Variants in NLGN4X observed in about 807,000 individuals in gnomAD.
NLGN4X encodes neuroligin-4, X-linked.
A neutral mutation model predicts 40.3 loss-of-function variants in NLGN4X; 3 were observed. That is an observed-to-expected ratio of 0.07 (90% CI 0.03 to 0.19). The LOEUF (loss-of-function observed/expected upper bound fraction) is 0.19, where lower values mean the gene tolerates loss of function less well. NLGN4X is among the 10% of genes least tolerant of loss of function. NLGN4X has a pLI of 1.00. For synonymous variants in NLGN4X, 270 were observed against 306.8 expected (o/e 0.88, Z 1.25); for missense variants, 382 against 708.3 (o/e 0.54, Z 5.23).
intron 2 of NLGN4X, among the ~76,000 whole-genome samples, chrX:6,082,123 T>A (rs2038363638): frequency 8.9e-6 from 1 of 112,434 alleles, no homozygotes; most frequent in Admixed American, 9.4e-5. Context: ...GTCTCAAGGT[T>A]ACCCTATGGT....
At chrX:6,092,305 T>C (rs911810944) in intron 2 of NLGN4X, among the ~76,000 whole-genome samples, 4 of 112,168 alleles carry the variant, frequency 3.6e-5, no homozygotes, top group Non-Finnish European at 7.5e-5. Flanking sequence ...TGCCCTTATG[T>C]AACACACCCA....
intron 3 of NLGN4X, among the ~76,000 whole-genome samples, chrX:5,929,079 G>C (rs1461547555): frequency 9.2e-6 from 1 of 108,371 alleles, no homozygotes; most frequent in Non-Finnish European, 1.9e-5. Context: ...AAAGACAGAA[G>C]CTTGTTCATT....
chrX:6,051,970 C>A (rs2037504327), intron 2 of NLGN4X, among the ~76,000 whole-genome samples: 1 of 110,912 alleles, frequency 9.0e-6, no homozygotes, highest in African/African-American at 3.3e-5. Flanking sequence ...GTAAGAGATT[C>A]TCCTGCTGGA....
Position 6,072,786 on chromosome X carries a change from G to A in NLGN4X, c.473-43354C>T, listed in dbSNP as rs549050942. Among the ~76,000 whole-genome samples, 3 of 110,823 alleles carry A rather than the reference G, an allele frequency of 2.7e-5. 1 individual carries two copies. In the Admixed American group the frequency reaches 2.9e-4, roughly 11 times the overall value. ...ATGCCTCATCCCTCACTGAACATAT[G>A]CCCAAAGCACCTAACTAGAATCTCC... On this transcript the variant is annotated intron_variant, in intron 2 of 5. Coordinates refer to ENST00000381095, the MANE Select transcript of NLGN4X (RefSeq NM_181332.3).
chrX:6,004,433 C>T (rs1213184061), intron 3 of NLGN4X, among the ~76,000 whole-genome samples: 1 of 111,735 alleles, frequency 8.9e-6, no homozygotes, highest in African/African-American at 3.3e-5. Context: ...ATACTAGATG[C>T]TTCTCAAATG....
At chrX:6,196,433 T>C (rs1427171768) in intron 1 of NLGN4X, among the ~76,000 whole-genome samples, 1 of 107,818 alleles carries the variant, frequency 9.3e-6, no homozygotes, top group Non-Finnish European at 1.9e-5. Flanking sequence ...GCGCCTGTAG[T>C]CTCAGCTACT....
intron 1 of NLGN4X, among the ~76,000 whole-genome samples, chrX:6,181,518 G>A (rs770352241): frequency 1.8e-5 from 2 of 111,271 alleles, no homozygotes; most frequent in South Asian, 7.7e-4. Flanking sequence ...TAAAGTTCTG[G>A]GGGCTGAGAA....
chrX:5,894,865 A>C (rs2031403840), intron 5 of NLGN4X, among the ~76,000 whole-genome samples: 1 of 112,447 alleles, frequency 8.9e-6, no homozygotes, highest in Admixed American at 9.4e-5. Flanking sequence ...ACTAGTTAGC[A>C]CTGAGCATTG....
intron 3 of NLGN4X, among the ~76,000 whole-genome samples, chrX:5,988,877 T>A (rs1569171582): frequency 9.0e-6 from 1 of 110,967 alleles, no homozygotes. Context: ...CCAGCCTGGC[T>A]AACATGGTGA....
intron 1 of NLGN4X, among the ~76,000 whole-genome samples, chrX:6,159,046 CA>C (rs1397837259): frequency 8.9e-6 from 1 of 111,804 alleles, no homozygotes; most frequent in Non-Finnish European, 1.9e-5. Context: ...ACAAAACAGT[CA>C]AAAATGAATA....
chrX:6,019,935 T>C (rs1243246603), intron 3 of NLGN4X, among the ~76,000 whole-genome samples: 3 of 112,551 alleles, frequency 2.7e-5, no homozygotes, highest in African/African-American at 9.7e-5. Context: ...GAATTATATA[T>C]TGATGGAATA....
intron 2 of NLGN4X, among the ~76,000 whole-genome samples, chrX:6,077,473 G>C (rs1393561431): frequency 9.1e-6 from 1 of 109,845 alleles, no homozygotes; most frequent in African/African-American, 3.3e-5. Context: ...AATTTTTGTA[G>C]AGACGGGGTT....
intron 1 of NLGN4X, among the ~76,000 whole-genome samples, chrX:6,201,028 C>T (rs974971207): frequency 9.0e-6 from 1 of 110,695 alleles, no homozygotes; most frequent in Non-Finnish European, 1.9e-5. Flanking sequence ...AAACATCCCT[C>T]GAGGTAGGTA....
At chrX:6,089,786 G>A (rs963368049) in intron 2 of NLGN4X, among the ~76,000 whole-genome samples, 42 of 112,082 alleles carry the variant, frequency 3.7e-4, no homozygotes, top group African/African-American at 1.4e-3. Flanking sequence ...AGAAAAGTTG[G>A]ATATGCTTGC....
chrX:6,015,723 C>G (rs1002772648), intron 3 of NLGN4X, among the ~76,000 whole-genome samples: 2 of 111,525 alleles, frequency 1.8e-5, no homozygotes. Flanking sequence ...ATCCTAATAC[C>G]CTTTATCTGT....
intron 2 of NLGN4X, among the ~76,000 whole-genome samples, chrX:6,103,744 C>T (rs1053556456): frequency 2.7e-5 from 3 of 111,705 alleles, no homozygotes; most frequent in Admixed American, 1.9e-4. Context: ...CTGATGTCAA[C>T]GCATTGGTAC....
chrX:6,143,519 G>A (rs1488852301), intron 2 of NLGN4X, among the ~76,000 whole-genome samples: 1 of 112,109 alleles, frequency 8.9e-6, no homozygotes, highest in East Asian at 2.8e-4. Flanking sequence ...AACAATTTCG[G>A]TATTTTGTTA....
chrX:6,141,841 A>C (rs984231404), intron 2 of NLGN4X, among the ~76,000 whole-genome samples: 1 of 111,654 alleles, frequency 9.0e-6, no homozygotes, highest in Admixed American at 9.6e-5. Flanking sequence ...TAAAATTAAA[A>C]AAATAAATAA....
chrX:6,073,043 C>T (rs999951191), intron 2 of NLGN4X, among the ~76,000 whole-genome samples: 1 of 112,228 alleles, frequency 8.9e-6, no homozygotes. Context: ...GTTCTGACAC[C>T]TTGCTTAAAA....
Sources: allele counts gnomAD v4.1 joint callset (sites outside exome capture counted in the v4.1 genomes callset), GRCh38; gene constraint gnomAD v4.1.1; transcripts MANE v1.5; gene names NCBI Gene and HGNC (gene_info 2026-07-23, HGNC 2026-07-21).